Variants in PTPRD observed in about 807,000 individuals in gnomAD.
PTPRD encodes the protein protein tyrosine phosphatase receptor type D.
A neutral mutation model predicts 214.5 loss-of-function variants in PTPRD; 34 were observed. The ratio of observed to expected loss-of-function variants is 0.16; its 90% CI spans 0.12 to 0.21. The LOEUF (loss-of-function observed/expected upper bound fraction) is 0.21. Ranked by LOEUF, PTPRD falls within the 10% of genes least tolerant of loss-of-function variation. The probability of loss-of-function intolerance (pLI) is 1.00; values close to 1 mark genes in which losing one functional copy is unlikely to be tolerated. For missense variants in PTPRD, 2,545 were observed against 2,398.7 expected (o/e 1.06, Z -1.27); for synonymous variants, 1,128 against 845.7 (o/e 1.33, Z -5.79).
At chr9:8,733,438 A>G (rs1049784743) in intron 12 of PTPRD, among the ~76,000 whole-genome samples, 5 of 152,166 alleles carry the variant, frequency 3.3e-5, no homozygotes, top group Non-Finnish European at 7.3e-5. Flanking sequence ...GGTCTGAACA[A>G]TGTTTACTTA....
intron 12 of PTPRD, among the ~76,000 whole-genome samples, chr9:8,725,851 T>C (rs767326095): frequency 2.6e-5 from 4 of 152,204 alleles, no homozygotes; most frequent in East Asian, 1.9e-4. Context: ...ACATTCTTTA[T>C]GCATTACTTA....
chr9:9,518,912 C>T (rs2096899247), intron 8 of PTPRD, among the ~76,000 whole-genome samples: 1 of 151,938 alleles, frequency 6.6e-6, no homozygotes, highest in Non-Finnish European at 1.5e-5. Context: ...TCTCTCTTCT[C>T]CATACTTAAT....
intron 5 of PTPRD, among the ~76,000 whole-genome samples, chr9:9,780,538 C>T (rs1359219819): frequency 1.3e-5 from 2 of 151,988 alleles, no homozygotes; most frequent in Non-Finnish European, 2.9e-5. Context: ...AAAGAGTTAC[C>T]ACCAAATGTT....
At chr9:8,667,708 T>G (rs1281168433) in intron 12 of PTPRD, among the ~76,000 whole-genome samples, 1 of 152,108 alleles carries the variant, frequency 6.6e-6, no homozygotes, top group African/African-American at 2.4e-5. Context: ...GTGTTTAGAC[T>G]TGGGTCCCAT....
intron 5 of PTPRD, among the ~76,000 whole-genome samples, chr9:9,870,504 C>T (rs1361573531): frequency 6.6e-6 from 1 of 151,752 alleles, no homozygotes; most frequent in Non-Finnish European, 1.5e-5. Flanking sequence ...TTTACAGCAA[C>T]CTTTTTTGAT....
intron 4 of PTPRD, among the ~76,000 whole-genome samples, chr9:9,987,900 T>C (rs1312710597): frequency 6.6e-6 from 1 of 152,160 alleles, no homozygotes; most frequent in Non-Finnish European, 1.5e-5. Flanking sequence ...GGAATGTTAT[T>C]TACTATTACA....
intron 9 of PTPRD, among the ~76,000 whole-genome samples, chr9:9,263,079 A>G (rs1168911276): frequency 6.6e-6 from 1 of 151,708 alleles, no homozygotes; most frequent in Admixed American, 6.6e-5. Flanking sequence ...AAATTAATTT[A>G]TCATGAAATA....
At position 9,126,376 on chromosome 9, in the gene PTPRD, G is replaced by C. The variant is rs151316287; in HGVS notation, c.-143+56928C>G. ...AATAGGCCATAATATTTGAATATAA[G>C]CTGAATACAGTAAGTCCTCACCTAT... On this transcript the variant is annotated intron_variant, in intron 10 of 45. Coordinates refer to ENST00000381196, the MANE Select transcript of PTPRD (RefSeq NM_002839.4). Among the ~76,000 whole-genome samples, 203 of 152,272 alleles carry C rather than the reference G, an allele frequency of 1.3e-3. 1 individual carries two copies. Among genetic ancestry groups the C allele is most frequent in the Admixed American group, 0.01 (158 of 15,290 alleles).
At chr9:9,255,394 C>A (rs979162834) in intron 9 of PTPRD, among the ~76,000 whole-genome samples, 1 of 151,956 alleles carries the variant, frequency 6.6e-6, no homozygotes, top group Admixed American at 6.6e-5. Context: ...TAGCTCAACT[C>A]AGGAGAGGTA....
chr9:9,939,237 C>G (rs556149184), intron 4 of PTPRD, among the ~76,000 whole-genome samples: 2 of 152,152 alleles, frequency 1.3e-5, no homozygotes, highest in East Asian at 1.9e-4. Context: ...TAGAGCAGGG[C>G]TCCTGTATGA....
At chr9:9,279,364 A>G (rs2133441627) in intron 9 of PTPRD, among the ~76,000 whole-genome samples, 1 of 147,698 alleles carries the variant, frequency 6.8e-6, no homozygotes, top group African/African-American at 2.4e-5. Context: ...ATATATCTAA[A>G]TATATCACTG....
intron 2 of PTPRD, among the ~76,000 whole-genome samples, chr9:10,415,561 C>A (rs2098479392): frequency 6.6e-6 from 1 of 151,760 alleles, no homozygotes; most frequent in South Asian, 2.1e-4. Flanking sequence ...TTGATTAATT[C>A]TTGCTGTCCT....
chr9:9,648,270 G>T (rs954562512), intron 7 of PTPRD, among the ~76,000 whole-genome samples: 2 of 151,814 alleles, frequency 1.3e-5, no homozygotes, highest in African/African-American at 4.8e-5. Flanking sequence ...AACATTTAGA[G>T]AGCACCTAGA....
Position 9,596,289 on chromosome 9 carries a change from C to T in PTPRD, c.-286-21508G>A, listed in dbSNP as rs141807455. Among the ~76,000 whole-genome samples the T allele has an allele frequency of 3.3e-5, 5 of 151,690 alleles. No homozygotes were observed. In the East Asian group the frequency reaches 9.7e-4, roughly 30 times the overall value. On this transcript the variant is annotated intron_variant, in intron 7 of 45. Transcript: ENST00000381196. ...AAAATAGCATATCAATAGAATATTC[C>T]TGAAGAATAGTAATTCTTTATGTGT...
At chr9:9,722,386 G>A (rs1280614112) in intron 7 of PTPRD, among the ~76,000 whole-genome samples, 4 of 151,920 alleles carry the variant, frequency 2.6e-5, no homozygotes, top group African/African-American at 9.7e-5. Flanking sequence ...TCATATTACA[G>A]CACGTAACAG....
intron 14 of PTPRD, among the ~76,000 whole-genome samples, chr9:8,619,077 T>C (rs553550811): frequency 1.3e-5 from 2 of 151,874 alleles, no homozygotes; most frequent in South Asian, 2.1e-4. Flanking sequence ...TATTTTTTAA[T>C]TGAGACATAA....
At chr9:10,547,549 G>A (rs1265145068) in intron 2 of PTPRD, among the ~76,000 whole-genome samples, 2 of 151,782 alleles carry the variant, frequency 1.3e-5, no homozygotes. Context: ...CCTCTTCCCT[G>A]ACACCTACCT....
chr9:9,483,078 G>A (rs1173636401), intron 8 of PTPRD, among the ~76,000 whole-genome samples: 2 of 152,100 alleles, frequency 1.3e-5, no homozygotes, highest in East Asian at 1.9e-4. Flanking sequence ...ATGACTAAAT[G>A]CTTTCTAATA....
At chr9:9,094,705 G>C (rs1211023924) in intron 10 of PTPRD, among the ~76,000 whole-genome samples, 1 of 152,054 alleles carries the variant, frequency 6.6e-6, no homozygotes, top group African/African-American at 2.4e-5. Context: ...GAAAACTTTA[G>C]GCCCAGATGG....
Sources: gnomAD v4.1 joint callset for allele counts (sites outside exome capture counted in the v4.1 genomes callset) on GRCh38, gnomAD v4.1.1 for gene constraint, MANE v1.5 for transcripts, NCBI Gene and HGNC (gene_info 2026-07-23, HGNC 2026-07-21) for gene names.